The following BBX variants were observed in gnomAD, a reference collection of about 807,000 sequenced individuals.
BBX encodes BBX high mobility group box domain containing, also known as HMG box transcription factor BBX.
In BBX, 30 loss-of-function variants were observed where a neutral mutation model predicts 100.2. The observed-to-expected ratio is 0.30, with a 90% CI of 0.22 to 0.41. BBX has a LOEUF of 0.41. Ranked by LOEUF, BBX falls within the 10% of genes least tolerant of loss-of-function variation. The probability of loss-of-function intolerance (pLI) is 1.00; values close to 1 mark genes in which losing one functional copy is unlikely to be tolerated. For missense variants in BBX, 1,023 were observed against 1,129.8 expected (o/e 0.91, Z 1.35); for synonymous variants, 376 against 388.1 (o/e 0.97, Z 0.37).
chr3:107,546,002 G>C (rs2049212638), intron 2 of BBX, among the ~76,000 whole-genome samples: 1 of 152,184 alleles, frequency 6.6e-6, no homozygotes, highest in Non-Finnish European at 1.5e-5. Context: ...GTAGCTCAAA[G>C]GTGCTAATTG....
At chr3:107,746,038 A>C (rs1039173820) in intron 8 of BBX, among the ~76,000 whole-genome samples, 1 of 152,110 alleles carries the variant, frequency 6.6e-6, no homozygotes, top group Non-Finnish European at 1.5e-5. Flanking sequence ...ATCTTAATTT[A>C]TAATAACATC....
intron 3 of BBX, among the ~76,000 whole-genome samples, chr3:107,685,994 TC>T (rs1192651791): frequency 6.6e-6 from 1 of 152,172 alleles, no homozygotes; most frequent in Non-Finnish European, 1.5e-5. Context: ...CCTTTATTGA[TC>T]CAGTTCATTT....
intron 2 of BBX, among the ~76,000 whole-genome samples, chr3:107,566,763 G>C (rs2050948523): frequency 6.6e-6 from 1 of 151,490 alleles, no homozygotes; most frequent in Non-Finnish European, 1.5e-5. Context: ...TCTTTTTTGT[G>C]TCTCTAGTTT....
At chr3:107,661,442 A>G (rs1480260640) in intron 3 of BBX, among the ~76,000 whole-genome samples, 1 of 152,150 alleles carries the variant, frequency 6.6e-6, no homozygotes, top group Non-Finnish European at 1.5e-5. Flanking sequence ...TTCCTTATTT[A>G]TAGCTGGGTT....
chr3:107,549,843 T>A (rs966800305), intron 2 of BBX, among the ~76,000 whole-genome samples: 2 of 151,076 alleles, frequency 1.3e-5, no homozygotes, highest in African/African-American at 4.9e-5. Context: ...AGAAAAAGTG[T>A]CTTAAGTAAG....
rs146918137 is a variant in BBX, at chr3:107,762,508, G to A, written c.906+6830G>A. ...GTATATTTCTCTGGCACAAGCGTTC[G>A]GGTTTTATTTAATTATGGGAGAAAT... On this transcript the variant is annotated intron_variant, in intron 10 of 17. Transcript: ENST00000325805. Among the ~76,000 whole-genome samples the A allele has an allele frequency of 5.5e-3, 833 of 152,238 alleles. 5 individuals carry two copies. Among genetic ancestry groups the A allele is most frequent in the African/African-American group, 0.018 (749 of 41,542 alleles).
intron 2 of BBX, among the ~76,000 whole-genome samples, chr3:107,540,359 G>A (rs571518663): frequency 6.6e-6 from 1 of 152,110 alleles, no homozygotes; most frequent in South Asian, 2.1e-4. Context: ...GTAAGATCTG[G>A]ATCTTATCTT....
intron 13 of BBX, among the ~76,000 whole-genome samples, chr3:107,786,995 G>A (rs889437514): frequency 2.6e-5 from 4 of 151,972 alleles, no homozygotes; most frequent in East Asian, 1.9e-4. Flanking sequence ...ATACTTCTCC[G>A]AATAAGATAT....
At chr3:107,765,494 T>C (rs2066315172) in intron 10 of BBX, among the ~76,000 whole-genome samples, 1 of 152,146 alleles carries the variant, frequency 6.6e-6, no homozygotes, top group Middle Eastern at 3.4e-3. Flanking sequence ...TTCTTTTTTC[T>C]TGAGACAGGG....
chr3:107,803,294 T>TA (rs1218724377), intron 17 of BBX, among the ~76,000 whole-genome samples: 4 of 152,198 alleles, frequency 2.6e-5, no homozygotes, highest in Non-Finnish European at 4.4e-5. Flanking sequence ...TCTTAATAGC[T>TA]AGAAGGACAG....
chr3:107,691,254 G>T (rs746160151), intron 3 of BBX, among the ~76,000 whole-genome samples: 2 of 151,988 alleles, frequency 1.3e-5, no homozygotes, highest in Admixed American at 6.6e-5. Flanking sequence ...AATAATACAC[G>T]AATAGGAACT....
At chr3:107,800,588 AAAT>A (rs1412446698) in intron 16 of BBX, among the ~76,000 whole-genome samples, 1 of 152,224 alleles carries the variant, frequency 6.6e-6, no homozygotes, top group African/African-American at 2.4e-5. Context: ...CTTTAGAACA[AAAT>A]AACAACTTGG....
intron 2 of BBX, among the ~76,000 whole-genome samples, chr3:107,606,024 T>C (rs563739716): frequency 1.3e-5 from 2 of 152,352 alleles, no homozygotes; most frequent in Admixed American, 1.3e-4. Context: ...AAAGTTCAGA[T>C]AACCAGGTTT....
Position 107,726,270 on chromosome 3 carries a change from CAGAT to C in BBX, c.406-2491_406-2488del, listed in dbSNP as rs1297698407. 4.6e-5 allele frequency among the ~76,000 whole-genome samples: 7 copies of C among 152,076 alleles called. No individual in the cohort carries two copies. The East Asian group carries it at 9.7e-4, about 21-fold the overall frequency. On this transcript the variant is annotated intron_variant, in intron 5 of 17. Coordinates refer to ENST00000325805, the MANE Select transcript of BBX (RefSeq NM_001142568.3). ...TTGATGAAGTGCCAACTTCCGAGAA[CAGAT>C]AGACATCCTCATACCCTGAGGCTCT...
intron 3 of BBX, among the ~76,000 whole-genome samples, chr3:107,660,350 T>A (rs542350027): frequency 6.6e-6 from 1 of 152,010 alleles, no homozygotes; most frequent in Non-Finnish European, 1.5e-5. Flanking sequence ...GGTGGCCTGA[T>A]GAAAAGAAAT....
intron 2 of BBX, among the ~76,000 whole-genome samples, chr3:107,617,999 T>G (rs2055424111): frequency 6.6e-6 from 1 of 152,034 alleles, no homozygotes; most frequent in Non-Finnish European, 1.5e-5. Context: ...TCTTGTAGTG[T>G]TAGCTGTAGG....
chr3:107,642,727 A>G (rs934545849), intron 2 of BBX, among the ~76,000 whole-genome samples: 1 of 152,100 alleles, frequency 6.6e-6, no homozygotes, highest in African/African-American at 2.4e-5. Context: ...TTCTAGCAGT[A>G]TGGCTATTTT....
chr3:107,531,615 C>G (rs1241132240), intron 2 of BBX, among the ~76,000 whole-genome samples: 1 of 151,196 alleles, frequency 6.6e-6, no homozygotes, highest in Non-Finnish European at 1.5e-5. Context: ...CTCTAGTTAT[C>G]ATGAAACATG....
chr3:107,778,238 C>T, intron 12 of BBX, 133 bp from the exon 13 acceptor site: 2 of 1,095,994 alleles, frequency 1.8e-6, no homozygotes, highest in Non-Finnish European at 2.6e-6. Flanking sequence ...GTGTTTTTTT[C>T]CTTGCACAGA....
Sources: allele counts gnomAD v4.1 joint callset (sites outside exome capture counted in the v4.1 genomes callset), GRCh38; gene constraint gnomAD v4.1.1; transcripts MANE v1.5; gene names NCBI Gene and HGNC (gene_info 2026-07-23, HGNC 2026-07-21).